The following LRRC36 variants were observed in gnomAD, a reference collection of about 807,000 sequenced individuals.
LRRC36 encodes the protein leucine-rich repeat-containing protein 36.
In LRRC36, 62 loss-of-function variants were observed where a neutral mutation model predicts 81.1. The ratio of observed to expected loss-of-function variants is 0.76; its 90% confidence interval spans 0.62 to 0.94. LRRC36 has a LOEUF of 0.94. LRRC36 is among the 40% of genes least tolerant of loss of function. LRRC36 has a pLI of 0.00. For synonymous variants in LRRC36, 334 were observed against 348.6 expected (o/e 0.96, Z 0.47); for missense variants, 761 against 881.7 (o/e 0.86, Z 1.73).
At chr16:67,367,780 C>T (rs762993308) in intron 8 of LRRC36, among the ~76,000 whole-genome samples, 36 of 152,130 alleles carry the variant, frequency 2.4e-4, no homozygotes, top group Non-Finnish European at 1.2e-4. Context: ...AGGCTGGGCA[C>T]GGTGGCTCAT....
intron 5 of LRRC36, among the ~76,000 whole-genome samples, chr16:67,352,808 G>C (rs901268001): frequency 6.6e-6 from 1 of 151,792 alleles, no homozygotes; most frequent in Non-Finnish European, 1.5e-5. Context: ...CTCCTGAGTA[G>C]CTGGGACTAC....
At chr16:67,363,840 T>TTAA in intron 6 of LRRC36, 126 bp downstream of exon 6, 1 of 988,270 alleles carries the variant, frequency 1.0e-6, no homozygotes, top group Non-Finnish European at 1.5e-6. Flanking sequence ...TAGACCCTTT[T>TTAA]AAAGGAAAGG....
Position 67,365,329 on chromosome 16 carries a change from T to C in LRRC36, c.728T>C (p.Met243Thr). 1 of 1,613,332 alleles carries C rather than the reference T, an allele frequency of 6.2e-7. No homozygotes were observed. The highest frequency in any genetic ancestry group is 8.5e-7 in the Non-Finnish European group (1 of 1,179,696). ...ACACAGGAAGTAGCAAGAAGGGAGATGCCAAGTGACAATCACCAGGAAGAT... is the reference window on the plus strand; with the variant it reads ...ACACAGGAAGTAGCAAGAAGGGAGACGCCAAGTGACAATCACCAGGAAGAT... ...TQTQEVARRE[M>T]PSDNHQEDEF... Residue 243 changes from methionine (M) to threonine (T), a missense_variant, in exon 7 of 14, where the codon ATG becomes ACG. Physicochemically the swap from Met to Thr is moderately conservative, Grantham distance 81. Transcript: ENST00000329956.
chr16:67,366,699 G>A (rs1013118661), intron 7 of LRRC36, among the ~76,000 whole-genome samples: 1 of 151,758 alleles, frequency 6.6e-6, no homozygotes, highest in African/African-American at 2.4e-5. Context: ...GCACTGAGCT[G>A]AGATTGCGCC....
chr16:67,335,633 T>C lies in LRRC36; in HGVS notation c.71-6324T>C, dbSNP rs182173303. Among the ~76,000 whole-genome samples the C allele has an allele frequency of 2.9e-3, 442 of 152,232 alleles. 1 individual carries two copies. Among genetic ancestry groups the C allele is most frequent in the African/African-American group, 0.01 (424 of 41,544 alleles). On this transcript the variant is annotated intron_variant, in intron 1 of 13. Transcript: ENST00000329956. ...ACAAGAGTATTGATTGGGGAAGTGATAAGTGTCCATGAAACCTTCACAATT... is the reference window on the plus strand; with the variant it reads ...ACAAGAGTATTGATTGGGGAAGTGACAAGTGTCCATGAAACCTTCACAATT...
chr16:67,340,714 AT>A (rs1205558656), intron 1 of LRRC36, among the ~76,000 whole-genome samples: 1 of 151,028 alleles, frequency 6.6e-6, no homozygotes, highest in East Asian at 1.9e-4. Context: ...ATATATGTAT[AT>A]TCTATATATA....
intron 2 of LRRC36, among the ~76,000 whole-genome samples, chr16:67,343,588 G>A (rs1284230915): frequency 6.6e-6 from 1 of 151,686 alleles, no homozygotes; most frequent in African/African-American, 2.4e-5. Context: ...CCAGCTACTT[G>A]GGAGGCTGAA....
In LRRC36 at chr16:67,381,263, A is replaced by G. The variant is rs73597054; in HGVS notation, c.1931-870A>G. On this transcript the variant is annotated intron_variant, in intron 12 of 13. Coordinates refer to ENST00000329956, the MANE Select transcript of LRRC36 (RefSeq NM_018296.6). Reference sequence around the variant, plus strand: ...AAAAAAAAAAAAAAAAAGTTTAAGTATAGAAGATTGGCATCATTACAACCG... The same window carrying G: ...AAAAAAAAAAAAAAAAAGTTTAAGTGTAGAAGATTGGCATCATTACAACCG... Among the ~76,000 whole-genome samples the G allele has an allele frequency of 4.4e-3, 664 of 150,606 alleles. 5 individuals carry two copies. Among genetic ancestry groups the G allele is most frequent in the African/African-American group, 0.015 (608 of 40,920 alleles).
In LRRC36 at chr16:67,371,209, A is replaced by G. The variant is rs1025298373; in HGVS notation, c.1461A>G (p.Leu487=). The change falls in exon 9 of 14, where the codon CTA becomes CTG. Residue 487 remains leucine, a synonymous_variant. Transcript: ENST00000329956. Reference sequence around the variant, plus strand: ...ACAATATCCTTGCCAACCTGAATCTAAAGCATGGTTTCCAAGATGCTACAG... The same window carrying G: ...ACAATATCCTTGCCAACCTGAATCTGAAGCATGGTTTCCAAGATGCTACAG... ...WKDNILANLN[L]KHGFQDATGS... 2.5e-6 allele frequency: 4 copies of G among 1,614,222 alleles called. No homozygotes were observed. The highest frequency in any genetic ancestry group is 1.7e-5 in the Admixed American group (1 of 60,016).
chr16:67,328,339 G>A (rs556043528), intron 1 of LRRC36, among the ~76,000 whole-genome samples: 1 of 151,930 alleles, frequency 6.6e-6, no homozygotes, highest in South Asian at 2.1e-4. Context: ...GTGAAACCCC[G>A]TCTCTACTAA....
At chr16:67,378,263 G>A (rs1374347308) in intron 11 of LRRC36, among the ~76,000 whole-genome samples, 4 of 94,800 alleles carry the variant, frequency 4.2e-5, no homozygotes, top group East Asian at 2.2e-4. Flanking sequence ...TTTTTGAGAC[G>A]GATTCTCGCT....
At chr16:67,378,147 A>T (rs2039974384) in intron 11 of LRRC36, among the ~76,000 whole-genome samples, 1 of 151,870 alleles carries the variant, frequency 6.6e-6, no homozygotes, top group Non-Finnish European at 1.5e-5. Flanking sequence ...AATTCTAGTG[A>T]GAAAGAGATG....
chr16:67,381,993 T>C, intron 12 of LRRC36, 140 bp from the exon 13 acceptor site: 2 of 617,326 alleles, frequency 3.2e-6, no homozygotes, highest in Non-Finnish European at 5.9e-6. Flanking sequence ...ATATCTCCTA[T>C]CTCCAAGTAA....
rs906656579 is a variant in LRRC36 at position 67,327,201 on chromosome 16, A to C, written c.70+269A>C. 4.6e-5 allele frequency among the ~76,000 whole-genome samples: 7 copies of C among 152,154 alleles called. No individual in the cohort carries two copies. In the East Asian group the frequency reaches 1.4e-3, roughly 29 times the overall value. ...GAAGTAGGGAAGGAGAAACAAGGTT[A>C]ACAGGGGACCCTGCCGCAGGTGACA... On this transcript the variant is annotated intron_variant, in intron 1 of 13. Transcript: ENST00000329956.
At chr16:67,328,978 C>T (rs992771300) in intron 1 of LRRC36, among the ~76,000 whole-genome samples, 3 of 152,152 alleles carry the variant, frequency 2.0e-5, no homozygotes, top group East Asian at 1.9e-4. Flanking sequence ...GGCGTGATCT[C>T]GGCTCACTGT....
chr16:67,330,911 A>C (rs1410734976), intron 1 of LRRC36, among the ~76,000 whole-genome samples: 29 of 152,072 alleles, frequency 1.9e-4, no homozygotes, highest in Non-Finnish European at 1.3e-4. Flanking sequence ...TTCTCTTGTC[A>C]TAACAGAATA....
intron 1 of LRRC36, among the ~76,000 whole-genome samples, chr16:67,330,151 G>T (rs1401175539): frequency 2.6e-5 from 4 of 151,874 alleles, no homozygotes; most frequent in Non-Finnish European, 5.9e-5. Flanking sequence ...TTGGTAGTTA[G>T]ATGAGGCTTA....
At chr16:67,333,682 G>A (rs1186701899) in intron 1 of LRRC36, among the ~76,000 whole-genome samples, 1 of 151,886 alleles carries the variant, frequency 6.6e-6, no homozygotes, top group African/African-American at 2.4e-5. Context: ...CTTTGACTTA[G>A]CATAGTATTT....
intron 4 of LRRC36, among the ~76,000 whole-genome samples, chr16:67,347,810 A>T (rs1309232737): frequency 6.6e-6 from 1 of 152,162 alleles, no homozygotes; most frequent in Non-Finnish European, 1.5e-5. Flanking sequence ...TTTGGGTATA[A>T]TTGTTAGAAA....
Sources: allele counts gnomAD v4.1 joint callset (sites outside exome capture counted in the v4.1 genomes callset), GRCh38; gene constraint gnomAD v4.1.1; transcripts MANE v1.5; gene names NCBI Gene and HGNC (gene_info 2026-07-23, HGNC 2026-07-21).